Variants in MATN1 observed in about 807,000 individuals in gnomAD.
The protein encoded by MATN1 is matrilin 1.
A neutral mutation model predicts 41.3 loss-of-function variants in MATN1; 34 were observed. The observed-to-expected ratio is 0.82, with a 90% CI of 0.63 to 1.10. MATN1 has a LOEUF of 1.10. Among genes scored for constraint, MATN1 ranks in the 50% least tolerant of loss-of-function variants. The pLI, the probability that MATN1 is intolerant of heterozygous loss-of-function variation, is 0.00. For synonymous variants in MATN1, 264 were observed against 278.7 expected (o/e 0.95, Z 0.53); for missense variants, 602 against 662.4 (o/e 0.91, Z 1.00).
At chr1:30,722,849 C>T (rs753167808) in intron 1 of MATN1, among the ~76,000 whole-genome samples, 3 of 152,172 alleles carry the variant, frequency 2.0e-5, no homozygotes, top group Non-Finnish European at 4.4e-5. Context: ...GCTGTCTACT[C>T]GCTAAGGCTA....
At chr1:30,715,449 A>G in intron 5 of MATN1, 140 bp from the exon 6 acceptor site, 1 of 735,474 alleles carries the variant, frequency 1.4e-6, no homozygotes. Flanking sequence ...AATGCCTGGA[A>G]CAAGGACAAT....
intron 7 of MATN1, chr1:30,713,893 T>C: frequency 3.4e-6 from 2 of 588,020 alleles, no homozygotes; most frequent in East Asian, 5.6e-5. Context: ...GGGAACTGTC[T>C]GGGGCCCAGC....
In MATN1 at chr1:30,721,710, CAACA is replaced by C; in HGVS notation, c.132_135del (p.Phe44LeufsTer16). The C allele has an allele frequency of 1.9e-6, 3 of 1,612,800 alleles. No individual in the cohort carries two copies. The highest frequency in any genetic ancestry group is 2.5e-6 in the Non-Finnish European group (3 of 1,179,986). On this transcript the variant is annotated frameshift_variant, in exon 2 of 8. Transcript: ENST00000373765. LOFTEE classifies it high-confidence loss of function. ...GGCCGAACGCTGCGAGAGCTGTCGACAACAAACACCAGGTCTGTGGGCCGCGTCC... is the reference window on the plus strand; with the variant it reads ...GGCCGAACGCTGCGAGAGCTGTCGACAACACCAGGTCTGTGGGCCGCGTCC...
rs1557450415 is a variant in MATN1 at position 30,716,866 on chromosome 1, G to T, written c.714C>A (p.Cys238Ter). 1 of 1,613,804 alleles carries T rather than the reference G, an allele frequency of 6.2e-7. No homozygotes were observed. Among genetic ancestry groups the T allele is most frequent in the Admixed American group, 1.7e-5 (1 of 59,982 alleles). ...ATGDHDCEQVCISSPGSYTCA... is the reference protein window; with the variant it reads ...ATGDHDCEQV ...AGGTGTAGGAACCGGGGGAGCTGAT[G>T]CACACCTGCTCACAGTCATGGTCCC... Residue 238 changes from cysteine (C) to a stop codon, truncating the protein, a stop_gained, in exon 4 of 8, where the codon TGC (cysteine) becomes TGA (stop). Transcript: ENST00000373765. LOFTEE classifies it high-confidence loss of function.
Position 30,721,629 on chromosome 1 carries a change from C to T in MATN1, c.217G>A (p.Val73Met), listed in dbSNP as rs749407303. 10 of 1,613,542 alleles carry T rather than the reference C, an allele frequency of 6.2e-6. No individual in the cohort carries two copies. The highest frequency in any genetic ancestry group is 3.3e-5 in the Admixed American group (2 of 60,026). The change falls in exon 2 of 8, where the codon GTG (valine) becomes ATG (methionine). Residue 73 changes from valine to methionine, a missense_variant. Physicochemically the swap from Val to Met is conservative, Grantham distance 21. Coordinates refer to ENST00000373765, the MANE Select transcript of MATN1 (RefSeq NM_002379.3). ...FLSQVIESLD[V>M]GPNATRVGMV... ...CCCACCCGGGTGGCATTGGGCCCCA[C>T]GTCCAGCGACTCGATGACCTGGGAC...
At position 30,712,370 on chromosome 1, in the gene MATN1, G is replaced by A. The variant is rs1285916907; in HGVS notation, c.*1212C>T. ...GTCTTTCTCTTGTGCAGTCTCTGAGGTGGGGCTGCTGCCATCTGCGTTGGG... is the reference window on the plus strand; with the variant it reads ...GTCTTTCTCTTGTGCAGTCTCTGAGATGGGGCTGCTGCCATCTGCGTTGGG... On this transcript the variant is annotated 3_prime_UTR_variant, in exon 8 of 8. Coordinates refer to ENST00000373765, the MANE Select transcript of MATN1 (RefSeq NM_002379.3). 3.9e-5 allele frequency: 6 copies of A among 152,344 alleles called. No individual in the cohort carries two copies. The highest frequency in any genetic ancestry group is 1.4e-4 in the African/African-American group (6 of 41,422). 9.4% of individuals were successfully genotyped at this position (152,344 alleles called of 1,614,324 possible).
At chr1:30,718,566 A>G (rs558709636) in intron 3 of MATN1, 169 bp downstream of exon 3, 3 of 166,514 alleles carry the variant, frequency 1.8e-5, no homozygotes, top group Non-Finnish European at 2.9e-5. Context: ...CTGACATTCT[A>G]TCTCTCTCCC....
chr1:30,721,264 C>A, intron 2 of MATN1, 141 bp downstream of exon 2: 1 of 821,998 alleles, frequency 1.2e-6, no homozygotes, highest in Non-Finnish European at 1.9e-6. Context: ...TAATGACCGC[C>A]CCTCTCTGAC....
At position 30,721,710 on chromosome 1, in the gene MATN1, CA is replaced by C. The variant is rs1557453315; in HGVS notation, c.135del (p.Val46SerfsTer15). The C allele has an allele frequency of 1.2e-6, 2 of 1,612,800 alleles. No homozygotes were observed. Among genetic ancestry groups the C allele is most frequent in the Admixed American group, 3.3e-5 (2 of 60,030 alleles). ...GGCCGAACGCTGCGAGAGCTGTCGA[CA>C]ACAAACACCAGGTCTGTGGGCCGCG... ...CRTRPTDLVF[V>X]VDSSRSVRPV... On this transcript the variant is annotated frameshift_variant, in exon 2 of 8. Transcript: ENST00000373765. LOFTEE classifies it high-confidence loss of function.
intron 3 of MATN1, 103 bp from the exon 4 acceptor site, chr1:30,717,018 CAG>C: frequency 7.6e-7 from 1 of 1,313,566 alleles, no homozygotes. Flanking sequence ...CATCCAGACT[CAG>C]GGAAACTAAG....
chr1:30,715,134 A>T (rs113361182), intron 6 of MATN1, 23 bp downstream of exon 6: 409 of 1,611,994 alleles, frequency 2.5e-4, no homozygotes, highest in Non-Finnish European at 3.4e-4. Flanking sequence ...AATCCCATCA[A>T]TGCCAGCCCT....
chr1:30,721,888 C>T (rs1639700640), intron 1 of MATN1, 137 bp from the exon 2 acceptor site: 1 of 661,528 alleles, frequency 1.5e-6, no homozygotes, highest in Non-Finnish European at 2.6e-6. Flanking sequence ...AGCTGGGCAG[C>T]TGAGCCCTTT....
In MATN1 at chr1:30,718,751, G is replaced by A. The variant is rs561529257; in HGVS notation, c.648C>T (p.Phe216=). The change falls in exon 3 of 8, where the codon TTC becomes TTT. Residue 216 remains phenylalanine, a synonymous_variant. Coordinates refer to ENST00000373765, the MANE Select transcript of MATN1 (RefSeq NM_002379.3). The part of the protein sequence containing the change: ...YSVIEKLSRK[F]QEAFCVVSDL... ...CCCGCGCACCGCAGAAGGCCTCCTGGAACTTCCTGGACAGCTTCTCGATGA... is the reference window on the plus strand; with the variant it reads ...CCCGCGCACCGCAGAAGGCCTCCTGAAACTTCCTGGACAGCTTCTCGATGA... 1.3e-6 allele frequency: 2 copies of A among 1,588,298 alleles called. No individual in the cohort carries two copies. The highest frequency in any genetic ancestry group is 1.1e-5 in the South Asian group (1 of 88,638).
In MATN1 at chr1:30,715,988, G is replaced by C; in HGVS notation, c.1128C>G (p.Ala376=). 6 of 1,614,170 alleles carry C rather than the reference G, an allele frequency of 3.7e-6. No homozygotes were observed. Among genetic ancestry groups the C allele is most frequent in the Non-Finnish European group, 5.1e-6 (6 of 1,180,028 alleles). Residue 376 remains alanine (A), a synonymous_variant, in exon 5 of 8, where the codon GCC becomes GCG. Coordinates refer to ENST00000373765, the MANE Select transcript of MATN1 (RefSeq NM_002379.3). The part of the protein sequence containing the change: ...FTVSSGARPG[A]QKVGIVFTDG... ...CAGTGAAGACAATGCCCACCTTCTGGGCCCCGGGCCTAGCCCCACTGGACA... is the reference window on the plus strand; with the variant it reads ...CAGTGAAGACAATGCCCACCTTCTGCGCCCCGGGCCTAGCCCCACTGGACA...
rs559759573 is a variant in MATN1 at position 30,716,650 on chromosome 1, C to G, written c.790+140G>C. 20 of 1,268,972 alleles carry G rather than the reference C, an allele frequency of 1.6e-5. No homozygotes were observed. The South Asian group carries it at 2.8e-4, about 18-fold the overall frequency. The allele number at this position is 1,268,972 out of a possible 1,614,324, so 78.6% of individuals were successfully genotyped here. A position where few individuals can be genotyped will look rare whatever the true frequency, so the allele number is the denominator to read the frequency against. ...GTCAGGTGAGAACTTCTGCAGATAC[C>G]AAACTCTAAAAGGCATCTGTCTGCT... On this transcript the variant is annotated intron_variant, in intron 4 of 7. Transcript: ENST00000373765.
intron 3 of MATN1, 145 bp from the exon 4 acceptor site, chr1:30,717,060 G>GT: frequency 2.3e-6 from 2 of 855,958 alleles, no homozygotes; most frequent in Non-Finnish European, 3.5e-6. Context: ...CCAGGCCCCC[G>GT]ACTCTCAGCC....
In MATN1 at chr1:30,713,400, C is replaced by CAT; in HGVS notation, c.*180_*181dup. The CAT allele has an allele frequency of 3.2e-6, 2 of 618,384 alleles. No homozygotes were observed. The highest frequency in any genetic ancestry group is 5.9e-6 in the Non-Finnish European group (2 of 339,436). The allele number at this position is 618,384 out of a possible 1,614,324, so 38.3% of individuals were successfully genotyped here. A position where few individuals can be genotyped will look rare whatever the true frequency, so the allele number is the denominator to read the frequency against. Reference sequence around the variant, plus strand: ...GTGCACACACACACACACACACACACATGCACACATACACACACGCACACA... The same window carrying CAT: ...GTGCACACACACACACACACACACACATATGCACACATACACACACGCACACA... On this transcript the variant is annotated 3_prime_UTR_variant, in exon 8 of 8. Transcript: ENST00000373765.
chr1:30,718,871 G>T lies in MATN1; in HGVS notation c.528C>A (p.Phe176Leu), dbSNP rs779894949. Residue 176 changes from phenylalanine to leucine, a missense_variant, in exon 3 of 8, where the codon TTC (phenylalanine) becomes TTA (leucine). Physicochemically the swap from Phe to Leu is conservative, Grantham distance 22 (BLOSUM62 0). Coordinates refer to ENST00000373765, the MANE Select transcript of MATN1 (RefSeq NM_002379.3). Reference sequence around the variant, plus strand: ...TGTCCACGCTGCCCACTCCGATGGCGAACAGCTCGACGCCGCTGGCCCGGG... The same window carrying T: ...TGTCCACGCTGCCCACTCCGATGGCTAACAGCTCGACGCCGCTGGCCCGGG... ...ARARASGVEL[F>L]AIGVGSVDKA... The T allele has an allele frequency of 1.2e-6, 2 of 1,603,300 alleles. No individual in the cohort carries two copies. The highest frequency in any genetic ancestry group is 1.7e-5 in the Admixed American group (1 of 59,250).
intron 7 of MATN1, 67 bp downstream of exon 7, chr1:30,714,180 T>C (rs113355648): frequency 2.3e-6 from 3 of 1,321,820 alleles, no homozygotes; most frequent in Non-Finnish European, 3.2e-6. Context: ...ACTTGGGCCA[T>C]GCCCCCGCCT....
Sources: gnomAD v4.1 joint callset for allele counts (sites outside exome capture counted in the v4.1 genomes callset) on GRCh38, gnomAD v4.1.1 for gene constraint, MANE v1.5 for transcripts, NCBI Gene and HGNC (gene_info 2026-07-23, HGNC 2026-07-21) for gene names.